CNTNAP3B: variants seen among roughly 807,000 people sequenced by gnomAD.
CNTNAP3B encodes contactin associated protein family member 3B.
CNTNAP3B carries 25 observed loss-of-function variants against 108.9 expected under a neutral mutation model. The observed-to-expected ratio is 0.23, with a 90% CI of 0.17 to 0.32. The LOEUF (loss-of-function observed/expected upper bound fraction) is 0.32, where lower values mean the gene tolerates loss of function less well. CNTNAP3B is among the 10% of genes least tolerant of loss of function. CNTNAP3B has a pLI of 1.00. For synonymous variants in CNTNAP3B, 103 were observed against 473.4 expected, an observed-to-expected ratio of 0.22 and a Z score of 10.16; for missense variants, 252 against 1,210.4, an observed-to-expected ratio of 0.21 and a Z score of 11.75.
At chr9:42,096,010 C>T (rs546078611) in intron 2 of CNTNAP3B, among the ~76,000 whole-genome samples, 1 of 138,896 alleles carries the variant, frequency 7.2e-6, no homozygotes, top group African/African-American at 2.9e-5. Context: ...CTCTGCCAGA[C>T]CTCAGGCAGG....
At chr9:41,932,565 G>C (rs1410732456) in intron 14 of CNTNAP3B, among the ~76,000 whole-genome samples, 2 of 151,578 alleles carry the variant, frequency 1.3e-5, no homozygotes, top group Non-Finnish European at 2.9e-5. Flanking sequence ...TGTCGCCCAG[G>C]CTGGAGTGCA....
chr9:42,058,242 G>A (rs536269344), intron 3 of CNTNAP3B, among the ~76,000 whole-genome samples: 20 of 152,222 alleles, frequency 1.3e-4, no homozygotes, highest in Middle Eastern at 3.4e-3. Flanking sequence ...TAGTGGGATT[G>A]CTGAATCATT....
chr9:42,029,367 C>T lies in CNTNAP3B; in HGVS notation c.391-15842G>A, dbSNP rs1289567512. Among the ~76,000 whole-genome samples the T allele has an allele frequency of 7.0e-5, 9 of 128,694 alleles. 1 individual carries two copies. Among genetic ancestry groups the T allele is most frequent in the African/African-American group, 2.9e-4 (9 of 31,566 alleles). The allele number at this position is 128,694 out of a possible 152,430, so 84.4% of individuals were successfully genotyped here. ...TTCCATCAGTGCACAATTACAAGTC[C>T]ACATTTTGAGGACCTTCTGTTTATT... On this transcript the variant is annotated intron_variant, in intron 3 of 23. Coordinates refer to ENST00000377561, the MANE Select transcript of CNTNAP3B (RefSeq NM_001201380.3).
At position 42,112,970 on chromosome 9, in the gene CNTNAP3B, T is replaced by C. The variant is rs1828227354; in HGVS notation, c.86-8231A>G. ...CGGGGTTTCACCATGTTAGCCAAGA[T>C]AGTATCGATCTCCTGATCTCGTGAT... On this transcript the variant is annotated intron_variant, in intron 1 of 23. Coordinates refer to ENST00000377561, the MANE Select transcript of CNTNAP3B (RefSeq NM_001201380.3). Among the ~76,000 whole-genome samples the C allele has an allele frequency of 1.6e-5, 2 of 125,332 alleles. 1 individual carries two copies. The highest frequency in any genetic ancestry group is 5.2e-4 in the South Asian group (2 of 3,832). The allele number at this position is 125,332 out of a possible 152,430, so 82.2% of individuals were successfully genotyped here. A position where few individuals can be genotyped will look rare whatever the true frequency, so the allele number is the denominator to read the frequency against.
chr9:41,952,009 G>A (rs1373923967), intron 13 of CNTNAP3B, among the ~76,000 whole-genome samples: 3 of 152,258 alleles, frequency 2.0e-5, no homozygotes, highest in South Asian at 4.1e-4. Flanking sequence ...TCCGGGAGGG[G>A]AGCGGGTTGC....
chr9:42,030,735 A>T (rs1419730575), intron 3 of CNTNAP3B, among the ~76,000 whole-genome samples: 4 of 75,900 alleles, frequency 5.3e-5, no homozygotes. Context: ...CGGAGAAGGG[A>T]GTGAGAAAGA....
intron 14 of CNTNAP3B, among the ~76,000 whole-genome samples, chr9:41,935,471 A>C (rs1354260866): frequency 1.3e-5 from 2 of 152,416 alleles, no homozygotes; most frequent in East Asian, 1.9e-4. Context: ...ATAAAGACTA[A>C]GATTTATGTT....
rs1217554429 is a variant in CNTNAP3B at position 41,991,167 on chromosome 9, T to TC, written c.1333+442dup. Among the ~76,000 whole-genome samples, 5 of 111,446 alleles carry TC rather than the reference T, an allele frequency of 4.5e-5. 2 individuals are homozygous for TC. The highest frequency in any genetic ancestry group is 1.8e-4 in the African/African-American group (5 of 28,086). 73.1% of individuals were successfully genotyped at this position (111,446 alleles called of 152,430 possible). A position where few individuals can be genotyped will look rare whatever the true frequency, so the allele number is the denominator to read the frequency against. On this transcript the variant is annotated intron_variant, in intron 8 of 23. Transcript: ENST00000377561. ...ACTCTTGGTATTTGCCGGGCATCTT[T>TC]CCCTGTAAAGTGATAGTTATCAATT...
intron 15 of CNTNAP3B, among the ~76,000 whole-genome samples, chr9:41,927,828 C>T (rs1458408573): frequency 6.6e-6 from 1 of 151,446 alleles, no homozygotes; most frequent in Non-Finnish European, 1.5e-5. Context: ...TTGGGAAAAG[C>T]TTAGAATAAT....
In CNTNAP3B at chr9:42,072,919, CAT is replaced by C. The variant is rs560415814; in HGVS notation, c.390+3948_390+3949del. On this transcript the variant is annotated intron_variant, in intron 3 of 23. Coordinates refer to ENST00000377561, the MANE Select transcript of CNTNAP3B (RefSeq NM_001201380.3). ...AATATGAGTGACTAGGTGGTAATCA[CAT>C]ATGTTACTATTTTTGCAATAAAACA... Among the ~76,000 whole-genome samples, 117 of 135,970 alleles carry C rather than the reference CAT, an allele frequency of 8.6e-4. 17 individuals carry two copies. In the East Asian group the frequency reaches 0.018, roughly 21 times the overall value. The allele number at this position is 135,970 out of a possible 152,430, so 89.2% of individuals were successfully genotyped here.
intron 10 of CNTNAP3B, among the ~76,000 whole-genome samples, chr9:41,966,653 G>A (rs1397659836): frequency 1.3e-5 from 2 of 152,296 alleles, no homozygotes; most frequent in Admixed American, 6.5e-5. Flanking sequence ...GGAGTCTGAT[G>A]TAAGAGGTGA....
chr9:41,958,148 C>T (rs1412781563), intron 12 of CNTNAP3B, among the ~76,000 whole-genome samples: 1 of 152,120 alleles, frequency 6.6e-6, no homozygotes, highest in East Asian at 1.9e-4. Flanking sequence ...TTCTCTGTTG[C>T]CCAGGCTAGA....
At chr9:41,934,683 T>G (rs1824100786) in intron 14 of CNTNAP3B, among the ~76,000 whole-genome samples, 2 of 152,302 alleles carry the variant, frequency 1.3e-5, no homozygotes, top group African/African-American at 4.8e-5. Flanking sequence ...TTGATTTGTA[T>G]TTACTTGGTA....
At chr9:42,127,705 A>G (rs1047019883) in intron 1 of CNTNAP3B, among the ~76,000 whole-genome samples, 1 of 139,864 alleles carries the variant, frequency 7.1e-6, no homozygotes, top group African/African-American at 2.8e-5. Flanking sequence ...ACGGTACAGC[A>G]TCTGACCAAA....
chr9:42,091,868 A>T (rs190572722), intron 2 of CNTNAP3B, among the ~76,000 whole-genome samples: 5,451 of 95,392 alleles, frequency 0.057, 1,809 homozygotes, highest in Non-Finnish European at 0.085. Context: ...ATCATAAAAA[A>T]TAAATAGGAA....
chr9:42,035,202 A>C (rs1185431909), intron 3 of CNTNAP3B, among the ~76,000 whole-genome samples: 1 of 129,554 alleles, frequency 7.7e-6, no homozygotes, highest in Non-Finnish European at 1.6e-5. Flanking sequence ...GGACCTCTTT[A>C]CCCAAGGCTC....
At chr9:42,111,940 G>A (rs1828200339) in intron 1 of CNTNAP3B, among the ~76,000 whole-genome samples, 1 of 138,796 alleles carries the variant, frequency 7.2e-6, no homozygotes, top group South Asian at 2.3e-4. Flanking sequence ...CTGAGTGCAA[G>A]TCACACAAAC....
chr9:42,117,446 AG>A (rs1828345039), intron 1 of CNTNAP3B, among the ~76,000 whole-genome samples: 1 of 140,148 alleles, frequency 7.1e-6, no homozygotes, highest in South Asian at 2.3e-4. Flanking sequence ...AACAAAATGA[AG>A]GCAGAAATAA....
intron 3 of CNTNAP3B, among the ~76,000 whole-genome samples, chr9:42,054,931 A>C (rs2118552082): frequency 6.9e-6 from 1 of 145,374 alleles, no homozygotes; most frequent in South Asian, 2.2e-4. Flanking sequence ...AAAGCCCATG[A>C]AAGTCTTTCT....
Sources: allele counts gnomAD v4.1 joint callset (sites outside exome capture counted in the v4.1 genomes callset), GRCh38; gene constraint gnomAD v4.1.1; transcripts MANE v1.5; gene names NCBI Gene and HGNC (gene_info 2026-07-23, HGNC 2026-07-21).